KIAA1217: variants seen among roughly 807,000 people sequenced by gnomAD.
The protein encoded by KIAA1217 is KIAA1217.
KIAA1217 carries 88 observed loss-of-function variants against 163.9 expected under a neutral mutation model. That is an observed-to-expected ratio of 0.54 (90% CI 0.45 to 0.64). The LOEUF is 0.64. Ranked by LOEUF, KIAA1217 falls within the 30% of genes least tolerant of loss-of-function variation. The probability of loss-of-function intolerance (pLI) is 0.00; values close to 1 mark genes in which losing one functional copy is unlikely to be tolerated. For missense variants in KIAA1217, 2,372 were observed against 2,475.0 expected (o/e 0.96, Z 0.88); for synonymous variants, 903 against 923.1 (o/e 0.98, Z 0.39).
chr10:23,910,765 G>A (rs1842399376), intron 1 of KIAA1217, among the ~76,000 whole-genome samples: 1 of 152,132 alleles, frequency 6.6e-6, no homozygotes, highest in South Asian at 2.1e-4. Context: ...ATTTCTGATG[G>A]GGATGTCTGG....
At chr10:24,364,353 G>A (rs141694924) in intron 2 of KIAA1217, among the ~76,000 whole-genome samples, 13 of 152,258 alleles carry the variant, frequency 8.5e-5, no homozygotes, top group South Asian at 2.1e-4. Flanking sequence ...AATGCTCCAC[G>A]TTGATTTAGC....
At chr10:24,080,279 T>C (rs1050670983) in intron 2 of KIAA1217, among the ~76,000 whole-genome samples, 1 of 152,216 alleles carries the variant, frequency 6.6e-6, no homozygotes, top group African/African-American at 2.4e-5. Flanking sequence ...CAGAGCTTGA[T>C]GATACTGGCT....
intron 6 of KIAA1217, among the ~76,000 whole-genome samples, chr10:24,485,791 T>C (rs1304772431): frequency 2.0e-5 from 3 of 152,242 alleles, no homozygotes; most frequent in African/African-American, 4.8e-5. Context: ...TTGGGACAGG[T>C]AAGGCAGTTG....
chr10:24,322,857 C>T (rs979390802), intron 2 of KIAA1217, among the ~76,000 whole-genome samples: 1 of 152,134 alleles, frequency 6.6e-6, no homozygotes, highest in Non-Finnish European at 1.5e-5. Context: ...ATCTTGGCAA[C>T]GTGTGATTGA....
intron 2 of KIAA1217, among the ~76,000 whole-genome samples, chr10:24,119,499 C>A (rs932566980): frequency 3.9e-5 from 6 of 152,100 alleles, no homozygotes; most frequent in African/African-American, 1.2e-4. Flanking sequence ...CATAAAAATA[C>A]GTCAAACTGC....
At chr10:24,097,958 C>T (rs753053982) in intron 2 of KIAA1217, among the ~76,000 whole-genome samples, 6 of 152,006 alleles carry the variant, frequency 3.9e-5, no homozygotes, top group Non-Finnish European at 7.4e-5. Context: ...CTACAGGCCA[C>T]GGATCTCTGT....
chr10:24,210,660 T>C (rs942103471), intron 1 of KIAA1217, among the ~76,000 whole-genome samples: 1 of 152,188 alleles, frequency 6.6e-6, no homozygotes, highest in Non-Finnish European at 1.5e-5. Context: ...AGTGTGCTCC[T>C]TTGCTCACTA....
chr10:24,489,734 C>T (rs1271752147), intron 6 of KIAA1217, among the ~76,000 whole-genome samples: 1 of 151,594 alleles, frequency 6.6e-6, no homozygotes, highest in Non-Finnish European at 1.5e-5. Flanking sequence ...CGTGGTGGTG[C>T]ATGCCTGTGG....
intron 1 of KIAA1217, among the ~76,000 whole-genome samples, chr10:23,736,605 C>T (rs550533948): frequency 6.6e-6 from 1 of 152,244 alleles, no homozygotes; most frequent in East Asian, 1.9e-4. Context: ...TCACTGCAGC[C>T]TCAAACTCCT....
chr10:23,755,898 A>G (rs941662804), intron 1 of KIAA1217, among the ~76,000 whole-genome samples: 2 of 152,154 alleles, frequency 1.3e-5, no homozygotes, highest in African/African-American at 2.4e-5. Flanking sequence ...GCGATATCAC[A>G]TAATAACCAA....
chr10:23,698,523 G>A (rs1210215416), intron 1 of KIAA1217, among the ~76,000 whole-genome samples: 1 of 152,164 alleles, frequency 6.6e-6, no homozygotes, highest in East Asian at 1.9e-4. Context: ...CACTCTAGGA[G>A]GCAGAAGTTT....
chr10:24,424,494 G>T (rs561163383), intron 3 of KIAA1217, among the ~76,000 whole-genome samples: 4 of 152,244 alleles, frequency 2.6e-5, no homozygotes, highest in Non-Finnish European at 4.4e-5. Context: ...CCTGGCACAA[G>T]ATGGGAACTT....
At chr10:24,266,796 G>T (rs141365349) in intron 2 of KIAA1217, among the ~76,000 whole-genome samples, 57 of 152,308 alleles carry the variant, frequency 3.7e-4, no homozygotes, top group African/African-American at 1.3e-3. Context: ...GGGAATAAAT[G>T]CTGGCCACCC....
At chr10:24,099,900 A>C (rs964008704) in intron 2 of KIAA1217, among the ~76,000 whole-genome samples, 1 of 152,040 alleles carries the variant, frequency 6.6e-6, no homozygotes, top group Non-Finnish European at 1.5e-5. Context: ...TTGCCACTGC[A>C]GAGATGATTC....
At chr10:24,493,768 GTTGTT>G (rs1327042174) in intron 6 of KIAA1217, among the ~76,000 whole-genome samples, 4 of 152,088 alleles carry the variant, frequency 2.6e-5, no homozygotes, top group African/African-American at 9.7e-5. Flanking sequence ...AAATAAATGG[GTTGTT>G]TTGTTTTGTT....
chr10:24,508,695 A>C (rs2068694096), intron 9 of KIAA1217, among the ~76,000 whole-genome samples: 1 of 152,232 alleles, frequency 6.6e-6, no homozygotes, highest in Non-Finnish European at 1.5e-5. Context: ...CCATTTGTAC[A>C]ATGAAATGCC....
intron 2 of KIAA1217, among the ~76,000 whole-genome samples, chr10:24,050,842 G>A (rs1167053402): frequency 6.6e-6 from 1 of 152,104 alleles, no homozygotes; most frequent in African/African-American, 2.4e-5. Flanking sequence ...TTTTCCTTCT[G>A]TGTATCCTTA....
intron 5 of KIAA1217, among the ~76,000 whole-genome samples, chr10:24,455,362 G>A (rs1307883512): frequency 1.3e-5 from 2 of 152,154 alleles, no homozygotes; most frequent in Non-Finnish European, 2.9e-5. Flanking sequence ...TATGTGCAAA[G>A]CTGTCTTGGC....
chr10:24,348,138 C>T (rs527745728), intron 2 of KIAA1217, among the ~76,000 whole-genome samples: 1 of 152,222 alleles, frequency 6.6e-6, no homozygotes, highest in African/African-American at 2.4e-5. Flanking sequence ...AGGTAGATCA[C>T]TTGAGGTCAG....
Sources: allele counts gnomAD v4.1 joint callset (sites outside exome capture counted in the v4.1 genomes callset), GRCh38; gene constraint gnomAD v4.1.1; transcripts MANE v1.5; gene names NCBI Gene and HGNC (gene_info 2026-07-23, HGNC 2026-07-21).